The following ARL9 variants were observed in gnomAD, a reference collection of about 807,000 sequenced individuals.
ARL9 encodes ADP-ribosylation factor-like protein 9.
Under a neutral mutation model 27.0 loss-of-function variants are expected in ARL9, and 14 were observed. That is an observed-to-expected ratio of 0.52 (90% CI 0.34 to 0.81). The LOEUF is 0.81. ARL9 is among the 30% of genes least tolerant of loss of function. The probability of loss-of-function intolerance (pLI) is 0.01; values close to 1 mark genes in which losing one functional copy is unlikely to be tolerated. For synonymous variants in ARL9, 106 were observed against 108.7 expected, an observed-to-expected ratio of 0.98 and a Z score of 0.15; for missense variants, 294 against 290.0, an observed-to-expected ratio of 1.01 and a Z score of -0.10.
At chr4:56,516,584 C>CAAAAAAAAAAAAAAAAA (rs10718013) in intron 2 of ARL9, among the ~76,000 whole-genome samples, 1 of 120,848 alleles carries the variant, frequency 8.3e-6, no homozygotes, top group African/African-American at 3.0e-5. Flanking sequence ...TCAAATTAGG[C>CAAAAAAAAAAAAAAAAA]AAAAAAAAAA....
At chr4:56,513,239 T>C (rs1339189525) in intron 2 of ARL9, among the ~76,000 whole-genome samples, 1 of 152,234 alleles carries the variant, frequency 6.6e-6, no homozygotes, top group Non-Finnish European at 1.5e-5. Context: ...TGGTATTCAG[T>C]GATATAAATC....
At chr4:56,521,005 T>A (rs1447655333) in intron 3 of ARL9, among the ~76,000 whole-genome samples, 1 of 151,584 alleles carries the variant, frequency 6.6e-6, no homozygotes, top group Non-Finnish European at 1.5e-5. Context: ...AGGTCAGGAG[T>A]TCGAGACCAG....
At position 56,523,716 on chromosome 4, in the gene ARL9, A is replaced by G. The variant is rs1241097593; in HGVS notation, c.638A>G (p.His213Arg). Residue 213 changes from histidine (H) to arginine (R), a missense_variant, in exon 4 of 4, where the codon CAC (histidine) becomes CGC (arginine). Physicochemically the swap from His to Arg is conservative, Grantham distance 29 (BLOSUM62 0). Coordinates refer to ENST00000640821, the MANE Select transcript of ARL9 (RefSeq NM_001363794.2). ...ATGAAGGATCTTGAAGCAGCCTATCACATTACAGATATCCATGAAGCTTTG... is the reference window on the plus strand; with the variant it reads ...ATGAAGGATCTTGAAGCAGCCTATCGCATTACAGATATCCATGAAGCTTTG... ...ANKQDLEAAY[H>R]ITDIHEALAL... 1 of 1,613,486 alleles carries G rather than the reference A, an allele frequency of 6.2e-7. No individual in the cohort carries two copies. The highest frequency in any genetic ancestry group is 1.1e-5 in the South Asian group (1 of 90,964).
At chr4:56,523,166 G>T (rs923818010) in intron 3 of ARL9, among the ~76,000 whole-genome samples, 1 of 152,168 alleles carries the variant, frequency 6.6e-6, no homozygotes, top group Non-Finnish European at 1.5e-5. Context: ...TGGAAGGATT[G>T]CTTGAGGCCA....
chr4:56,523,878 C>G lies in ARL9; in HGVS notation c.*2C>G. ...CAGCTGGCTGCAGATGTGCAGTGAC[C>G]AGGACTCAGCCCACTGTGCGGCTCA... On this transcript the variant is annotated 3_prime_UTR_variant, in exon 4 of 4. Coordinates refer to ENST00000640821, the MANE Select transcript of ARL9 (RefSeq NM_001363794.2). The G allele has an allele frequency of 6.2e-7, 1 of 1,611,776 alleles. No individual in the cohort carries two copies. Among genetic ancestry groups the G allele is most frequent in the Non-Finnish European group, 8.5e-7 (1 of 1,178,672 alleles).
At chr4:56,520,738 A>G (rs912392403) in intron 3 of ARL9, among the ~76,000 whole-genome samples, 1 of 152,208 alleles carries the variant, frequency 6.6e-6, no homozygotes, top group African/African-American at 2.4e-5. Context: ...CCCTTTCTCA[A>G]TTGTTAGGTT....
upstream of ARL9, chr4:56,505,702 C>G: frequency 8.2e-7 from 1 of 1,217,818 alleles, no homozygotes; most frequent in Non-Finnish European, 1.1e-6. Flanking sequence ...AGGTAAGCGG[C>G]GGTTGGCGGC....
At chr4:56,515,380 T>C (rs1721742070) in intron 2 of ARL9, among the ~76,000 whole-genome samples, 1 of 152,094 alleles carries the variant, frequency 6.6e-6, no homozygotes, top group African/African-American at 2.4e-5. Flanking sequence ...CCATTTATGA[T>C]AAAAATTCTT....
chr4:56,506,055 A>G lies in ARL9; in HGVS notation c.193A>G (p.Asn65Asp), dbSNP rs74665438. 0.078 allele frequency: 96,197 copies of G among 1,226,558 alleles called. 4,278 individuals are homozygous for G. Among genetic ancestry groups the G allele is most frequent in the East Asian group, 0.22 (7,029 of 31,626 alleles). 76.0% of individuals were successfully genotyped at this position (1,226,558 alleles called of 1,614,324 possible). Residue 65 changes from asparagine (N) to aspartate (D), a missense_variant, in exon 1 of 4, where the codon AAC becomes GAC. Transcript: ENST00000640821. ...EKRTKQGKET[N>D]KEKEQFKGQE... ...GAGGACAAAGCAAGGGAAGGAGACA[A>G]ACAAAGAGAAGGAACAATTTAAGGG...
chr4:56,522,976 T>C (rs1194664418), intron 3 of ARL9, among the ~76,000 whole-genome samples: 1 of 152,196 alleles, frequency 6.6e-6, no homozygotes, highest in Non-Finnish European at 1.5e-5. Flanking sequence ...AGAACTATAA[T>C]TGGTAAAGTA....
intron 1 of ARL9, among the ~76,000 whole-genome samples, chr4:56,506,399 A>G (rs888730892): frequency 2.6e-5 from 4 of 152,272 alleles, no homozygotes; most frequent in South Asian, 2.1e-4. Flanking sequence ...TTGAGGGACA[A>G]GAGATCTCGG....
At position 56,506,195 on chromosome 4, in the gene ARL9, A is replaced by G. The variant is rs529912817; in HGVS notation, c.279+54A>G. On this transcript the variant is annotated intron_variant, in intron 1 of 3. Transcript: ENST00000640821. ...GCCCCAAGGCTTTTGTCGGCCGTTC[A>G]GACCCCAGCGCTGTCTCTGTTACGT... 3.2e-6 allele frequency: 4 copies of G among 1,232,556 alleles called. No homozygotes were observed. The East Asian group carries it at 1.3e-4, about 39-fold the overall frequency. The allele number at this position is 1,232,556 out of a possible 1,614,324, so 76.4% of individuals were successfully genotyped here. A position where few individuals can be genotyped will look rare whatever the true frequency, so the allele number is the denominator to read the frequency against.
rs1266648153 is a variant in ARL9 at position 56,509,994 on chromosome 4, A to G, written c.280-1191A>G. 2.6e-5 allele frequency among the ~76,000 whole-genome samples: 4 copies of G among 151,792 alleles called. No homozygotes were observed. The East Asian group carries it at 7.8e-4, about 29-fold the overall frequency. On this transcript the variant is annotated intron_variant, in intron 1 of 3. Coordinates refer to ENST00000640821, the MANE Select transcript of ARL9 (RefSeq NM_001363794.2). ...AAGTTCATCTGTTTTTAAAACAAAT[A>G]CTCATTTGTGATTGAAACTGGCTTA...
chr4:56,520,096 A>G (rs4865112), intron 3 of ARL9, among the ~76,000 whole-genome samples: 21,102 of 151,428 alleles, frequency 0.14, 1,929 homozygotes, highest in East Asian at 0.25. Context: ...TCCGCCTCCC[A>G]GGTTCAAGTG....
intron 2 of ARL9, among the ~76,000 whole-genome samples, chr4:56,516,056 G>A (rs1238616130): frequency 6.6e-6 from 1 of 152,086 alleles, no homozygotes; most frequent in African/African-American, 2.4e-5. Flanking sequence ...TTATTATAAA[G>A]ATATGAAACT....
chr4:56,518,599 A>G, intron 2 of ARL9, 79 bp from the exon 3 acceptor site: 1 of 1,261,282 alleles, frequency 7.9e-7, no homozygotes, highest in Non-Finnish European at 1.1e-6. Flanking sequence ...AGAAATCTAG[A>G]TGTGCCCTCC....
At chr4:56,513,096 T>G (rs1287429461) in intron 2 of ARL9, among the ~76,000 whole-genome samples, 1 of 152,234 alleles carries the variant, frequency 6.6e-6, no homozygotes, top group African/African-American at 2.4e-5. Flanking sequence ...AACAGCAGTT[T>G]ACGCTTGCAA....
chr4:56,513,116 TTTAAAA>T, intron 2 of ARL9, among the ~76,000 whole-genome samples: 1 of 152,226 alleles, frequency 6.6e-6, no homozygotes, highest in Non-Finnish European at 1.5e-5. Context: ...ATCTTTGAGA[TTTAAAA>T]TGTGTATCTG....
intron 3 of ARL9, among the ~76,000 whole-genome samples, chr4:56,521,983 C>A (rs546722048): frequency 1.5e-4 from 22 of 150,410 alleles, no homozygotes; most frequent in African/African-American, 5.1e-4. Flanking sequence ...CCTCTCTTTT[C>A]TTTTCTTTTC....
Sources: gnomAD v4.1 joint callset for allele counts (sites outside exome capture counted in the v4.1 genomes callset) on GRCh38, gnomAD v4.1.1 for gene constraint, MANE v1.5 for transcripts, NCBI Gene and HGNC (gene_info 2026-07-23, HGNC 2026-07-21) for gene names.